COLEC10: variants seen among roughly 807,000 people sequenced by gnomAD.
The protein encoded by COLEC10 is collectin-10.
A neutral mutation model predicts 28.4 loss-of-function variants in COLEC10; 22 were observed. The ratio of observed to expected loss-of-function variants is 0.78; its 90% CI spans 0.55 to 1.11. The LOEUF (loss-of-function observed/expected upper bound fraction) is 1.11. Among genes scored for constraint, COLEC10 ranks in the 50% least tolerant of loss-of-function variants. The probability of loss-of-function intolerance (pLI) is 0.00; values close to 1 mark genes in which losing one functional copy is unlikely to be tolerated. For missense variants in COLEC10, 361 were observed against 344.1 expected, an observed-to-expected ratio of 1.05 and a Z score of -0.39; for synonymous variants, 125 against 116.1, an observed-to-expected ratio of 1.08 and a Z score of -0.49.
intron 2 of COLEC10, among the ~76,000 whole-genome samples, chr8:119,036,283 CT>C (rs1814388571): frequency 6.6e-6 from 1 of 152,176 alleles, no homozygotes; most frequent in Admixed American, 6.5e-5. Context: ...ACAAAACGTA[CT>C]GTTGAGTACT....
At chr8:118,960,699 C>T in the COLEC10 span, among the ~76,000 whole-genome samples, 2 of 147,692 alleles carry the variant, frequency 1.4e-5, no homozygotes, top group Admixed American at 6.9e-5. Flanking sequence ...GCAGGAGAAT[C>T]GCTTGAACCG....
intron 2 of COLEC10, among the ~76,000 whole-genome samples, chr8:119,061,326 A>G (rs768969995): frequency 6.6e-6 from 1 of 152,058 alleles, no homozygotes; most frequent in South Asian, 2.1e-4. Flanking sequence ...AAGAAAATTT[A>G]TAATACTGAT....
chr8:118,959,284 C>A, the COLEC10 span, among the ~76,000 whole-genome samples: 5 of 152,154 alleles, frequency 3.3e-5, no homozygotes, highest in Non-Finnish European at 5.9e-5. Context: ...AGTTCAGTAG[C>A]AAATGTGGTC....
At position 119,108,217 on chromosome 8, in the gene COLEC10, A is replaced by G. The variant is rs1815992160; in HGVS notation, c.*2026A>G. ...GGACATCAAACGCCAGTATCCTTGG[A>G]TAGAAAGCCATCCCAGATCATGAGG... On this transcript the variant is annotated 3_prime_UTR_variant, in exon 6 of 6. Coordinates refer to ENST00000332843, the MANE Select transcript of COLEC10 (RefSeq NM_006438.5). Among the ~76,000 whole-genome samples, 1 of 152,200 alleles carries G rather than the reference A, an allele frequency of 6.6e-6. No individual in the cohort carries two copies. The highest frequency in any genetic ancestry group is 2.4e-5 in the African/African-American group (1 of 41,440).
intron 2 of COLEC10, among the ~76,000 whole-genome samples, chr8:119,022,521 G>C (rs1054193975): frequency 6.6e-6 from 1 of 152,036 alleles, no homozygotes; most frequent in African/African-American, 2.4e-5. Flanking sequence ...AATGATGTTA[G>C]GAAAGACTAC....
chr8:118,979,459 C>CAATAAT, the COLEC10 span, among the ~76,000 whole-genome samples: 1 of 151,034 alleles, frequency 6.6e-6, no homozygotes, highest in Non-Finnish European at 1.5e-5. Context: ...GTAAGGTAAA[C>CAATAAT]AATAATAATA....
the COLEC10 span, among the ~76,000 whole-genome samples, chr8:118,979,024 T>A: frequency 6.6e-6 from 1 of 152,092 alleles, no homozygotes; most frequent in African/African-American, 2.4e-5. Flanking sequence ...TAAGTAGTTT[T>A]CATGCCTTTG....
the COLEC10 span, among the ~76,000 whole-genome samples, chr8:118,985,140 T>C: frequency 6.6e-6 from 1 of 152,038 alleles, no homozygotes; most frequent in Non-Finnish European, 1.5e-5. Flanking sequence ...GCATGGCCCT[T>C]CCAAAACCTT....
chr8:118,959,504 A>G, the COLEC10 span, among the ~76,000 whole-genome samples: 3 of 152,198 alleles, frequency 2.0e-5, no homozygotes, highest in South Asian at 6.2e-4. Context: ...GAAAATATAT[A>G]CAAGGCACTT....
chr8:119,063,694 T>C (rs777823608), upstream of COLEC10, among the ~76,000 whole-genome samples: 1 of 81,486 alleles, frequency 1.2e-5, no homozygotes, highest in Non-Finnish European at 2.4e-5. Flanking sequence ...TAGATGTGGA[T>C]ATATATATAT....
At chr8:118,979,862 C>G in the COLEC10 span, among the ~76,000 whole-genome samples, 3 of 152,070 alleles carry the variant, frequency 2.0e-5, no homozygotes, top group Admixed American at 6.6e-5. Context: ...AAAATTTGAT[C>G]AAGTTGAAGA....
At position 119,034,484 on chromosome 8, in the gene COLEC10, G is replaced by A. The variant is rs537006300; in HGVS notation, n.235+24931G>A. Among the ~76,000 whole-genome samples the A allele has an allele frequency of 2.6e-5, 4 of 151,730 alleles. No individual in the cohort carries two copies. The East Asian group carries it at 7.7e-4, about 29-fold the overall frequency. On this transcript the variant is annotated intron_variant and non_coding_transcript_variant, in intron 2 of 6. Coordinates refer to the COLEC10 transcript ENST00000521788. Reference sequence around the variant, plus strand: ...TCACAGTACTTTGGGAGGCCAAGGCGGGTGGATCACAAGGTCAGGAGTTCA... The same window carrying A: ...TCACAGTACTTTGGGAGGCCAAGGCAGGTGGATCACAAGGTCAGGAGTTCA...
chr8:118,993,073 A>C (rs551759737), upstream of COLEC10, among the ~76,000 whole-genome samples: 1 of 152,316 alleles, frequency 6.6e-6, no homozygotes, highest in African/African-American at 2.4e-5. Context: ...CTTGCTTAAA[A>C]GTTTGCAAAA....
chr8:119,025,179 C>T (rs996951701), intron 2 of COLEC10, among the ~76,000 whole-genome samples: 3 of 152,158 alleles, frequency 2.0e-5, no homozygotes, highest in African/African-American at 7.2e-5. Context: ...TTGATCTTTG[C>T]TTTCTAAAAC....
At chr8:119,071,294 G>A (rs556903689) in intron 1 of COLEC10, among the ~76,000 whole-genome samples, 2 of 152,258 alleles carry the variant, frequency 1.3e-5, no homozygotes, top group African/African-American at 4.8e-5. Context: ...TTTGATGTTT[G>A]CTAGCTTTTT....
At chr8:118,968,751 C>A in the COLEC10 span, among the ~76,000 whole-genome samples, 1 of 151,882 alleles carries the variant, frequency 6.6e-6, no homozygotes, top group African/African-American at 2.4e-5. Context: ...TTAGGTATTA[C>A]TCCTAATGCT....
chr8:119,086,953 T>A (rs1815492370), intron 1 of COLEC10, among the ~76,000 whole-genome samples: 1 of 152,228 alleles, frequency 6.6e-6, no homozygotes, highest in South Asian at 2.1e-4. Context: ...ATCCTGGCTT[T>A]ACCACTTATG....
chr8:119,092,824 T>C (rs918085727), intron 3 of COLEC10, among the ~76,000 whole-genome samples: 1 of 152,062 alleles, frequency 6.6e-6, no homozygotes, highest in Non-Finnish European at 1.5e-5. Flanking sequence ...AAGAATCGCT[T>C]GAACCTGGGA....
chr8:119,085,554 C>A (rs1359312856), intron 1 of COLEC10, among the ~76,000 whole-genome samples: 1 of 151,224 alleles, frequency 6.6e-6, no homozygotes, highest in Non-Finnish European at 1.5e-5. Flanking sequence ...TACCAGCTAT[C>A]CCATTCAATT....
Sources: allele counts gnomAD v4.1 joint callset (sites outside exome capture counted in the v4.1 genomes callset), GRCh38; gene constraint gnomAD v4.1.1; transcripts MANE v1.5; gene names NCBI Gene and HGNC (gene_info 2026-07-23, HGNC 2026-07-21).